The following METTL21A variants were observed in gnomAD, a reference collection of about 807,000 sequenced individuals.
METTL21A encodes the protein methyltransferase 21A, HSPA lysine.
A neutral mutation model predicts 20.9 loss-of-function variants in METTL21A; 22 were observed. The observed-to-expected ratio is 1.05, with a 90% confidence interval of 0.75 to 1.50. The LOEUF (loss-of-function observed/expected upper bound fraction) is 1.50. METTL21A is among the 40% of genes most tolerant of loss of function. The pLI is 0.00. For missense variants in METTL21A, 271 were observed against 266.8 expected, an observed-to-expected ratio of 1.02 and a Z score of -0.11; for synonymous variants, 93 against 102.0, an observed-to-expected ratio of 0.91 and a Z score of 0.53.
At chr2:207,602,029 G>C (rs2106636877) in intron 3 of METTL21A, 1 of 205,596 alleles carries the variant, frequency 4.9e-6, no homozygotes, top group Non-Finnish European at 9.9e-6. Flanking sequence ...AGCTGAGTCA[G>C]TATGGAAAAT....
intron 3 of METTL21A, chr2:207,603,558 A>T: frequency 4.5e-6 from 1 of 223,598 alleles, no homozygotes; most frequent in East Asian, 6.5e-5. Flanking sequence ...AAGGCAGCAA[A>T]ACTAATTCAG....
chr2:207,621,677 A>G, intron 3 of METTL21A, 129 bp downstream of exon 3: 1 of 766,606 alleles, frequency 1.3e-6, no homozygotes, highest in Non-Finnish European at 2.2e-6. Context: ...TTGGCCCACA[A>G]CTCATAAGTA....
exon 4 of METTL21A, chr2:207,613,204 A>G (rs2089217341): frequency 6.2e-7 from 1 of 1,613,960 alleles, no homozygotes; most frequent in Non-Finnish European, 8.5e-7. Context: ...AGAATCACAG[A>G]GTGATTGCTA....
At chr2:207,592,412 A>G (rs2085222601) in intron 3 of METTL21A, among the ~76,000 whole-genome samples, 1 of 152,026 alleles carries the variant, frequency 6.6e-6, no homozygotes. Flanking sequence ...CTCAAAAAAT[A>G]AAAAAAGATG....
chr2:207,621,846 A>G, exon 3 of METTL21A: 5 of 1,614,182 alleles, frequency 3.1e-6, no homozygotes, highest in Non-Finnish European at 3.4e-6. Flanking sequence ...CCGTGCCAGC[A>G]CCCAGCTCCA....
At chr2:207,594,521 G>T (rs962508704) in intron 3 of METTL21A, among the ~76,000 whole-genome samples, 3 of 152,078 alleles carry the variant, frequency 2.0e-5, no homozygotes, top group Admixed American at 6.6e-5. Flanking sequence ...TGCCCTCAAG[G>T]TTCATCTACG....
chr2:207,605,057 C>T (rs917473360), downstream of METTL21A, among the ~76,000 whole-genome samples: 1 of 152,040 alleles, frequency 6.6e-6, no homozygotes, highest in Non-Finnish European at 1.5e-5. Context: ...TATTTGAGTC[C>T]GTGTTTTCAA....
At position 207,592,911 on chromosome 2, in the gene METTL21A, C is replaced by CAAAAAAGAAAAGAAAAAAGAA. The variant is rs1553509958; in HGVS notation, c.260-10752_260-10751insTTCTTTTTTCTTTTCTTTTTT. On this transcript the variant is annotated intron_variant, in intron 3 of 3. Transcript: ENST00000425132. ...CTGGCGACAGAGCAAGACTCCATCT[C>CAAAAAAGAAAAGAAAAAAGAA]AAAAAAGAAAAGAAAATTCTCAGAT... Among the ~76,000 whole-genome samples, 98 of 145,200 alleles carry CAAAAAAGAAAAGAAAAAAGAA rather than the reference C, an allele frequency of 6.7e-4. 1 individual carries two copies. The Middle Eastern group carries it at 0.01, about 16-fold the overall frequency.
chr2:207,619,641 A>G (rs1175179498), intron 3 of METTL21A, among the ~76,000 whole-genome samples: 1 of 152,238 alleles, frequency 6.6e-6, no homozygotes, highest in Non-Finnish European at 1.5e-5. Flanking sequence ...TATAATCATA[A>G]TTACAACTAT....
At chr2:207,620,446 A>AAATG (rs2090353035) in intron 3 of METTL21A, among the ~76,000 whole-genome samples, 2 of 108,556 alleles carry the variant, frequency 1.8e-5, no homozygotes, top group African/African-American at 3.5e-5. Context: ...CCATCTCAAA[A>AAATG]AATAAATAAA....
At chr2:207,622,882 G>C (rs779952375) in intron 2 of METTL21A, among the ~76,000 whole-genome samples, 1 of 151,704 alleles carries the variant, frequency 6.6e-6, no homozygotes, top group Non-Finnish European at 1.5e-5. Context: ...GAGCATTTAC[G>C]AGTCTTCCCA....
chr2:207,599,217 A>C, intron 3 of METTL21A: 1 of 199,668 alleles, frequency 5.0e-6, no homozygotes, highest in Non-Finnish European at 1.0e-5. Context: ...GCTAATGGGG[A>C]AAGTTATAGC....
chr2:207,624,618 G>T, intron 1 of METTL21A: 1 of 381,178 alleles, frequency 2.6e-6, no homozygotes, highest in South Asian at 4.0e-5. Flanking sequence ...TGGGGAAGAA[G>T]AAAAAAAAAG....
At chr2:207,595,668 A>G (rs772575821) in intron 3 of METTL21A, among the ~76,000 whole-genome samples, 11 of 151,934 alleles carry the variant, frequency 7.2e-5, no homozygotes, top group Non-Finnish European at 1.5e-5. Flanking sequence ...GGGCTTAAGC[A>G]GTCCTCCCAC....
chr2:207,581,921 C>T, exon 4 of METTL21A: 1 of 702,684 alleles, frequency 1.4e-6, no homozygotes, highest in Non-Finnish European at 2.6e-6. Context: ...TAGAATATCC[C>T]TCAGTTTGCA....
intron 3 of METTL21A, among the ~76,000 whole-genome samples, chr2:207,596,161 G>A (rs899693931): frequency 2.0e-5 from 3 of 152,156 alleles, no homozygotes; most frequent in African/African-American, 7.2e-5. Context: ...ATAAGGTGCG[G>A]CCCAACCTCA....
chr2:207,624,433 C>T (rs2090880360), intron 1 of METTL21A, 29 bp from the exon 2 acceptor site: 2 of 1,555,326 alleles, frequency 1.3e-6, no homozygotes, highest in South Asian at 2.4e-5. Context: ...CTGGGTGACG[C>T]TCTGGCCAAA....
exon 4 of METTL21A, chr2:207,613,094 A>T (rs1281357959): frequency 2.5e-6 from 4 of 1,595,474 alleles, no homozygotes; most frequent in Non-Finnish European, 3.4e-6. Flanking sequence ...AAATATGTAC[A>T]TCTTTTTCAG....
chr2:207,592,656 C>T (rs2085284682), intron 3 of METTL21A, among the ~76,000 whole-genome samples: 1 of 152,058 alleles, frequency 6.6e-6, no homozygotes, highest in Non-Finnish European at 1.5e-5. Flanking sequence ...TGCAGTGGCT[C>T]ACGCATGTAA....
Sources: gnomAD v4.1 joint callset for allele counts (sites outside exome capture counted in the v4.1 genomes callset) on GRCh38, gnomAD v4.1.1 for gene constraint, MANE v1.5 for transcripts, NCBI Gene and HGNC (gene_info 2026-07-23, HGNC 2026-07-21) for gene names.